The following LITAF variants were observed in gnomAD, a reference collection of about 807,000 sequenced individuals.
LITAF encodes lipopolysaccharide induced TNF factor.
A neutral mutation model predicts 14.5 loss-of-function variants in LITAF; 9 were observed. The observed-to-expected ratio is 0.62, with a 90% CI of 0.37 to 1.08. LITAF has a LOEUF of 1.08. LITAF is among the 50% of genes least tolerant of loss of function. LITAF has a pLI of 0.01. For missense variants in LITAF, 206 were observed against 213.4 expected (o/e 0.97, Z 0.22); for synonymous variants, 98 against 88.2 (o/e 1.11, Z -0.62).
At chr16:11,636,203 G>C (rs556311347) in intron 1 of LITAF, 5 of 152,284 alleles carry the variant, frequency 3.3e-5, no homozygotes, top group Admixed American at 6.5e-5. Context: ...AGATGGAATG[G>C]GTGCTAGTGA....
chr16:11,567,444 A>AACAAAACAAC (rs1004414248), intron 1 of LITAF, among the ~76,000 whole-genome samples: 1 of 151,758 alleles, frequency 6.6e-6, no homozygotes, highest in Non-Finnish European at 1.5e-5. Context: ...CACAAAACAA[A>AACAAAACAAC]ACAAAACAAC....
chr16:11,601,342 G>A (rs1008238620), upstream of LITAF, among the ~76,000 whole-genome samples: 1 of 151,628 alleles, frequency 6.6e-6, no homozygotes, highest in Non-Finnish European at 1.5e-5. Context: ...CACCTTCATG[G>A]GGCTACCACA....
intron 1 of LITAF, among the ~76,000 whole-genome samples, chr16:11,584,971 G>C (rs999049842): frequency 6.6e-6 from 1 of 152,188 alleles, no homozygotes; most frequent in African/African-American, 2.4e-5. Context: ...ATTTTGGGAG[G>C]CCAAGGCAGG....
intron 1 of LITAF, among the ~76,000 whole-genome samples, chr16:11,570,785 A>G (rs118112774): frequency 0.013 from 2,006 of 152,072 alleles, 21 homozygotes; most frequent in Non-Finnish European, 0.022. Context: ...GATAGCGCAC[A>G]TGTATCATCC....
In LITAF at chr16:11,548,654, G is replaced by A. The variant is rs1597323482; in HGVS notation, c.*983C>T. 2.2e-6 allele frequency: 1 copy of A among 452,536 alleles called. No individual in the cohort carries two copies. Among genetic ancestry groups the A allele is most frequent in the East Asian group, 7.0e-5 (1 of 14,350 alleles). 28.0% of individuals were successfully genotyped at this position (452,536 alleles called of 1,614,324 possible). A position where few individuals can be genotyped will look rare whatever the true frequency, so the allele number is the denominator to read the frequency against. On this transcript the variant is annotated 3_prime_UTR_variant, in exon 4 of 4. Coordinates refer to ENST00000622633, the MANE Select transcript of LITAF (RefSeq NM_001136472.2). ...AAATGACACCAATCATTTGATTACA[G>A]AAAATGGTTTTATAAATCCTCCTCT... is the stretch of plus-strand genomic sequence containing the variant.
intron 2 of LITAF, 181 bp downstream of exon 2, chr16:11,556,330 C>T (rs1282475765): frequency 3.3e-6 from 2 of 609,710 alleles, no homozygotes; most frequent in Middle Eastern, 2.6e-4. Flanking sequence ...TACGGAAAAG[C>T]TGTGAGCCTC....
At chr16:11,580,351 A>G (rs931752046) in intron 1 of LITAF, among the ~76,000 whole-genome samples, 2 of 151,346 alleles carry the variant, frequency 1.3e-5, no homozygotes, top group Non-Finnish European at 2.9e-5. Context: ...TCTGCCTCCC[A>G]GGTTCAAGTG....
chr16:11,555,620 C>A (rs2064256161), intron 2 of LITAF, among the ~76,000 whole-genome samples: 1 of 150,298 alleles, frequency 6.7e-6, no homozygotes, highest in Non-Finnish European at 1.5e-5. Flanking sequence ...GACTGCACCA[C>A]TGCACTCCAA....
intron 1 of LITAF, among the ~76,000 whole-genome samples, chr16:11,594,394 C>T (rs991445582): frequency 2.0e-5 from 3 of 151,930 alleles, no homozygotes; most frequent in African/African-American, 7.3e-5. Flanking sequence ...TCTGCCAATA[C>T]CCCAGGAATC....
upstream of LITAF, among the ~76,000 whole-genome samples, chr16:11,590,307 A>C (rs778164998): frequency 2.5e-5 from 3 of 118,196 alleles, 1 homozygote; most frequent in East Asian, 2.8e-4. Context: ...GTGGTATATC[A>C]GTCAGAAATC....
intron 3 of LITAF, among the ~76,000 whole-genome samples, chr16:11,606,802 T>A (rs1396946675): frequency 6.6e-6 from 1 of 152,038 alleles, no homozygotes; most frequent in East Asian, 1.9e-4. Context: ...GCCCAGCTAA[T>A]TTTTTTGTGT....
chr16:11,624,024 C>T (rs1435000334), intron 3 of LITAF, among the ~76,000 whole-genome samples: 1 of 152,136 alleles, frequency 6.6e-6, no homozygotes, highest in Non-Finnish European at 1.5e-5. Context: ...ATGGCTCACA[C>T]TTGTAATCCC....
intron 1 of LITAF, among the ~76,000 whole-genome samples, chr16:11,569,016 C>T (rs543639840): frequency 7.9e-5 from 12 of 152,188 alleles, no homozygotes; most frequent in African/African-American, 1.9e-4. Flanking sequence ...GGCCTTTCTC[C>T]TCCCTGACCC....
intron 3 of LITAF, among the ~76,000 whole-genome samples, chr16:11,612,729 C>T (rs1028519111): frequency 2.6e-5 from 4 of 152,186 alleles, no homozygotes; most frequent in Non-Finnish European, 4.4e-5. Flanking sequence ...TGTTTGTCCA[C>T]GTCCTTGAGA....
intron 1 of LITAF, among the ~76,000 whole-genome samples, chr16:11,595,690 C>T (rs2141856448): frequency 6.6e-6 from 1 of 152,296 alleles, no homozygotes. Flanking sequence ...GATCGTGCCA[C>T]TGCACTCCAG....
In LITAF at chr16:11,548,423, G is replaced by A. The variant is rs754511267; in HGVS notation, c.*1214C>T. 58 of 453,646 alleles carry A rather than the reference G, an allele frequency of 1.3e-4. 1 individual carries two copies. The highest frequency in any genetic ancestry group is 1.4e-4 in the Admixed American group (6 of 42,498). 28.1% of individuals were successfully genotyped at this position (453,646 alleles called of 1,614,324 possible). On this transcript the variant is annotated 3_prime_UTR_variant, in exon 4 of 4. Coordinates refer to ENST00000622633, the MANE Select transcript of LITAF (RefSeq NM_001136472.2). ...AAACAGTTCTGGTTCCCAAGCATCC[G>A]CACCATGGTACCCAGACATGCTCAA... is the stretch of plus-strand genomic sequence containing the variant.
At chr16:11,604,642 C>T (rs1315674896) in intron 3 of LITAF, among the ~76,000 whole-genome samples, 1 of 49,534 alleles carries the variant, frequency 2.0e-5, no homozygotes, top group Admixed American at 2.4e-4. Flanking sequence ...CTCTGTCTCT[C>T]TTAAAAAAAA....
intron 3 of LITAF, among the ~76,000 whole-genome samples, chr16:11,606,972 C>T (rs187561163): frequency 1.6e-4 from 24 of 152,084 alleles, no homozygotes; most frequent in African/African-American, 5.3e-4. Context: ...ACCTTACGAG[C>T]GAAGTGCTAT....
At chr16:11,574,503 T>C (rs2064599478) in intron 1 of LITAF, among the ~76,000 whole-genome samples, 1 of 152,170 alleles carries the variant, frequency 6.6e-6, no homozygotes, top group Non-Finnish European at 1.5e-5. Context: ...TGTTAAGCCA[T>C]AGTAATATTA....
Sources: gnomAD v4.1 joint callset for allele counts (sites outside exome capture counted in the v4.1 genomes callset) on GRCh38, gnomAD v4.1.1 for gene constraint, MANE v1.5 for transcripts, NCBI Gene and HGNC (gene_info 2026-07-23, HGNC 2026-07-21) for gene names.